The following ODAD1 variants were observed in gnomAD, a reference collection of about 807,000 sequenced individuals.
The protein encoded by ODAD1 is outer dynein arm docking complex subunit 1.
ODAD1 carries 49 observed loss-of-function variants against 67.2 expected under a neutral mutation model. That is an observed-to-expected ratio of 0.73 (90% CI 0.58 to 0.92). The LOEUF is 0.92. ODAD1 is among the 40% of genes least tolerant of loss of function. ODAD1 has a pLI of 0.00. For synonymous variants in ODAD1, 345 were observed against 393.7 expected (o/e 0.88, Z 1.46); for missense variants, 897 against 953.7 (o/e 0.94, Z 0.78).
At chr19:48,310,803 G>A (rs1028472806) in intron 7 of ODAD1, among the ~76,000 whole-genome samples, 4 of 152,248 alleles carry the variant, frequency 2.6e-5, no homozygotes, top group South Asian at 2.1e-4. Context: ...AAGACCGGAC[G>A]CAGTGGCTCA....
chr19:48,304,100 C>T lies in ODAD1; in HGVS notation c.706G>A (p.Ala236Thr), dbSNP rs192848164. Residue 236 changes from alanine to threonine, a missense_variant, in exon 9 of 16, where the codon GCG becomes ACG. Transcript: ENST00000674294. ...KAKMGLLRER[A>T]EKEEAQSEME... is the part of the protein sequence containing the mutation. The stretch of plus-strand genomic sequence containing the variant: ...TCGCTCTGGGCCTCCTCTTTCTCCG[C>T]GCGCTCCCGCAGCAAGCCCATCTTG... The T allele has an allele frequency of 6.8e-6, 11 of 1,613,370 alleles. No homozygotes were observed. The highest frequency in any genetic ancestry group is 7.6e-6 in the Non-Finnish European group (9 of 1,179,746).
chr19:48,309,627 G>A (rs1968706547), intron 7 of ODAD1, among the ~76,000 whole-genome samples: 1 of 152,252 alleles, frequency 6.6e-6, no homozygotes, highest in African/African-American at 2.4e-5. Context: ...CAAGAACTCG[G>A]GCAAAGGCAC....
At position 48,298,184 on chromosome 19, in the gene ODAD1, T is replaced by A; in HGVS notation, c.1397A>T (p.His466Leu). ...CTCCCTGCCGTCTCCCACCTGGGCA[T>A]GTAGGAAGGCCTGCACTGTCAGGAG... ...VELLTVQAFL[H>L]AQSFTSLADA... Residue 466 changes from histidine to leucine, a missense_variant, in exon 13 of 16, where the codon CAT (histidine) becomes CTT (leucine). His to Leu is a moderately conservative substitution (Grantham distance 99, BLOSUM62 -3). Transcript: ENST00000674294. 6.2e-7 allele frequency: 1 copy of A among 1,611,992 alleles called. No individual in the cohort carries two copies. The highest frequency in any genetic ancestry group is 1.1e-5 in the South Asian group (1 of 91,056).
At chr19:48,304,693 G>A (rs1968561397) in intron 8 of ODAD1, among the ~76,000 whole-genome samples, 1 of 151,624 alleles carries the variant, frequency 6.6e-6, no homozygotes, top group African/African-American at 2.4e-5. Context: ...CAAAACTCTC[G>A]GTGTGCTGCT....
chr19:48,303,182 G>A, intron 10 of ODAD1, 87 bp from the exon 11 acceptor site: 1 of 1,039,064 alleles, frequency 9.6e-7, no homozygotes, highest in East Asian at 2.4e-5. Context: ...GCATACAGAA[G>A]GCCAAAGAAA....
rs1034106329 is a variant in ODAD1, at chr19:48,303,598, CAG to C, written c.988+50_988+51del. The C allele has an allele frequency of 5.6e-6, 9 of 1,610,864 alleles. No individual in the cohort carries two copies. The African/African-American group carries it at 1.1e-4, about 19-fold the overall frequency. Reference sequence around the variant, plus strand: ...AGCTGAGGCCAGCCTGCACTGGACTCAGGGGGTGCCGGGGTCCCGGGCCTCCT... The same window carrying C: ...AGCTGAGGCCAGCCTGCACTGGACTCGGGGTGCCGGGGTCCCGGGCCTCCT... On this transcript the variant is annotated intron_variant, in intron 10 of 15. Coordinates refer to ENST00000674294, the MANE Select transcript of ODAD1 (RefSeq NM_001364171.2).
chr19:48,306,642 G>GATTT (rs1968614975), intron 7 of ODAD1, among the ~76,000 whole-genome samples: 1 of 152,180 alleles, frequency 6.6e-6, no homozygotes, highest in South Asian at 2.1e-4. Context: ...GGAATAGTTT[G>GATTT]ATTTGAGAAC....
chr19:48,320,341 C>G lies in ODAD1; in HGVS notation c.28G>C (p.Ala10Pro), dbSNP rs1474176638. 5 of 1,288,836 alleles carry G rather than the reference C, an allele frequency of 3.9e-6. No individual in the cohort carries two copies. The East Asian group carries it at 2.8e-4, about 72-fold the overall frequency. The allele number at this position is 1,288,836 out of a possible 1,614,324, so 79.8% of individuals were successfully genotyped here. A position where few individuals can be genotyped will look rare whatever the true frequency, so the allele number is the denominator to read the frequency against. Residue 10 changes from alanine (A) to proline (P), a missense_variant, in exon 3 of 16, where the codon GCC becomes CCC. Coordinates refer to ENST00000674294, the MANE Select transcript of ODAD1 (RefSeq NM_001364171.2). ...GCCTCGCTTCCCTCCTCGGAGCGGG[C>G]GCTCCCTGCCAAGCGTCCCAAAGGC... MPLGRLAGSARSEEGSEAFL... is the reference protein window; with the variant it reads MPLGRLAGSPRSEEGSEAFL...
chr19:48,311,799 G>A lies in ODAD1; in HGVS notation c.484-133C>T. On this transcript the variant is annotated intron_variant, in intron 6 of 15. Coordinates refer to ENST00000674294, the MANE Select transcript of ODAD1 (RefSeq NM_001364171.2). The stretch of plus-strand genomic sequence containing the variant: ...TCCTGAGAAACAGAGGTTCTTTGGG[G>A]TTCCCGAAATCAATGTCCACTCCCC... The A allele has an allele frequency of 5.1e-6, 4 of 780,904 alleles. No homozygotes were observed. In the Admixed American group the frequency reaches 6.9e-5, roughly 13 times the overall value. 48.4% of individuals were successfully genotyped at this position (780,904 alleles called of 1,614,324 possible).
rs948256140 is a variant in ODAD1 at position 48,312,130 on chromosome 19, G to A, written c.361-14C>T. The A allele has an allele frequency of 6.5e-7, 1 of 1,549,814 alleles. No homozygotes were observed. On this transcript the variant is annotated splice_polypyrimidine_tract_variant and intron_variant, in intron 5 of 15. Transcript: ENST00000674294. ...CCACTCCTGGATCTACAAGAAAGAG[G>A]ATGGTACCTGTTTTTGGTTGCCTGA... is the stretch of plus-strand genomic sequence containing the variant.
chr19:48,311,424 AAAGC>A (rs1968758047), intron 7 of ODAD1, 125 bp downstream of exon 7: 3 of 615,132 alleles, frequency 4.9e-6, no homozygotes, highest in Non-Finnish European at 5.9e-6. Context: ...CTTTTGGACT[AAAGC>A]AAGCCTACCG....
chr19:48,311,680 G>A lies in ODAD1; in HGVS notation c.484-14C>T, dbSNP rs1381442937. 1 of 1,482,628 alleles carries A rather than the reference G, an allele frequency of 6.7e-7. No individual in the cohort carries two copies. The highest frequency in any genetic ancestry group is 2.0e-5 in the Admixed American group (1 of 50,900). 91.8% of individuals were successfully genotyped at this position (1,482,628 alleles called of 1,614,324 possible). A position where few individuals can be genotyped will look rare whatever the true frequency, so the allele number is the denominator to read the frequency against. ...GTGACAGGTGACCTGGGAGTAGAAA[G>A]GTGGATGGAAGAGTGGGTCTGAAGC... On this transcript the variant is annotated splice_polypyrimidine_tract_variant and intron_variant, in intron 6 of 15. Transcript: ENST00000674294.
chr19:48,316,977 T>C (rs1446656627), intron 5 of ODAD1, among the ~76,000 whole-genome samples: 1 of 152,146 alleles, frequency 6.6e-6, no homozygotes, highest in Non-Finnish European at 1.5e-5. Context: ...CACTCCAGCC[T>C]GGGTGACAGA....
chr19:48,303,100 G>T lies in ODAD1; in HGVS notation c.989-5C>A. ...CAGCAAAGTTGCGCTCCTCGACTGG[G>T]AGAGTTGGGCAAGGCGGGGCCCAGA... On this transcript the variant is annotated splice_region_variant and splice_polypyrimidine_tract_variant and intron_variant, in intron 10 of 15. Coordinates refer to ENST00000674294, the MANE Select transcript of ODAD1 (RefSeq NM_001364171.2). 3 of 1,612,048 alleles carry T rather than the reference G, an allele frequency of 1.9e-6. No homozygotes were observed. The highest frequency in any genetic ancestry group is 2.2e-5 in the South Asian group (2 of 91,062).
chr19:48,314,310 C>T (rs796853741), intron 5 of ODAD1, among the ~76,000 whole-genome samples: 12 of 152,292 alleles, frequency 7.9e-5, no homozygotes, highest in African/African-American at 2.6e-4. Context: ...CAGAAGGAAC[C>T]AAACCTGCCT....
In ODAD1 at chr19:48,318,510, G is replaced by T. The variant is rs1429495674; in HGVS notation, c.237C>A (p.Asn79Lys). The change falls in exon 5 of 16, where the codon AAC (asparagine) becomes AAA (lysine). Residue 79 changes from asparagine (N) to lysine (K), a missense_variant. Asn to Lys is a moderately conservative substitution (Grantham distance 94, BLOSUM62 0). Transcript: ENST00000674294. Reference sequence around the variant, plus strand: ...GACTGTCCCGAAGCCGCTTGACCTGGTTCTGGGCTGCGCTGATCTGCACCT... The same window carrying T: ...GACTGTCCCGAAGCCGCTTGACCTGTTTCTGGGCTGCGCTGATCTGCACCT... The part of the protein sequence containing the change: ...DLQVQISAAQ[N>K]QVKRLRDSQR... The T allele has an allele frequency of 1.3e-6, 2 of 1,551,506 alleles. No individual in the cohort carries two copies. The highest frequency in any genetic ancestry group is 1.7e-6 in the Non-Finnish European group (2 of 1,146,974).
intron 5 of ODAD1, among the ~76,000 whole-genome samples, chr19:48,314,661 G>C (rs1968852510): frequency 6.6e-6 from 1 of 152,042 alleles, no homozygotes; most frequent in South Asian, 2.1e-4. Context: ...CCAATTGTTG[G>C]TGGGCGCAGT....
At chr19:48,320,250 TG>T in intron 3 of ODAD1, 48 bp downstream of exon 3, 1 of 1,163,444 alleles carries the variant, frequency 8.6e-7, no homozygotes, top group Non-Finnish European at 1.1e-6. Flanking sequence ...TTGGGAAAGC[TG>T]GGGGCTGGAA....
At chr19:48,310,479 G>T (rs2147326284) in intron 7 of ODAD1, among the ~76,000 whole-genome samples, 1 of 152,280 alleles carries the variant, frequency 6.6e-6, no homozygotes, top group South Asian at 2.1e-4. Flanking sequence ...GGACGGTTTA[G>T]AATTCTAACA....
Sources: gnomAD v4.1 joint callset for allele counts (sites outside exome capture counted in the v4.1 genomes callset) on GRCh38, gnomAD v4.1.1 for gene constraint, MANE v1.5 for transcripts, NCBI Gene and HGNC (gene_info 2026-07-23, HGNC 2026-07-21) for gene names.